The following IL17RD variants were observed in gnomAD, a reference collection of about 807,000 sequenced individuals.
IL17RD encodes interleukin 17 receptor D, also known as interleukin-17 receptor D.
In IL17RD, 52 loss-of-function variants were observed where a neutral mutation model predicts 80.5. The ratio of observed to expected loss-of-function variants is 0.65; its 90% confidence interval spans 0.52 to 0.81. The LOEUF is 0.81. Among genes scored for constraint, IL17RD ranks in the 40% least tolerant of loss-of-function variants. IL17RD has a pLI of 0.00. For missense variants in IL17RD, 1,024 were observed against 955.1 expected, an observed-to-expected ratio of 1.07 and a Z score of -0.95; for synonymous variants, 416 against 391.8, an observed-to-expected ratio of 1.06 and a Z score of -0.73.
In IL17RD at chr3:57,129,035, G is replaced by A. The variant is rs376956495; in HGVS notation, c.127-8722C>T. Reference sequence around the variant, plus strand: ...AAACATGCCTATGGACAGAGAGCCAGACCTTTCCCTCCGCTTCGCACACCA... The same window carrying A: ...AAACATGCCTATGGACAGAGAGCCAAACCTTTCCCTCCGCTTCGCACACCA... On this transcript the variant is annotated intron_variant, in intron 1 of 12. Coordinates refer to ENST00000296318, the MANE Select transcript of IL17RD (RefSeq NM_017563.5). Among the ~76,000 whole-genome samples the A allele has an allele frequency of 2.4e-4, 36 of 152,304 alleles. 2 individuals are homozygous for A. In the South Asian group the frequency reaches 7.3e-3, roughly 31 times the overall value.
intron 1 of IL17RD, among the ~76,000 whole-genome samples, chr3:57,155,109 C>T (rs2060258753): frequency 6.6e-6 from 1 of 152,222 alleles, no homozygotes; most frequent in South Asian, 2.1e-4. Flanking sequence ...TGATTATGGA[C>T]AGACCTTCAA....
Position 57,114,804 on chromosome 3 carries a change from G to A in IL17RD, c.198C>T (p.Tyr66=). 1 of 1,605,532 alleles carries A rather than the reference G, an allele frequency of 6.2e-7. No homozygotes were observed. Among genetic ancestry groups the A allele is most frequent in the Non-Finnish European group, 8.5e-7 (1 of 1,176,648 alleles). The stretch of plus-strand genomic sequence containing the variant: ...TCACATGCTTCCCCACTGGATTCAA[G>A]TAGGTGGTACAATCTAGAGAGTAGG... ...ITFKYDNCTT[Y]LNPVGKHVIA... The change falls in exon 3 of 13, where the codon TAC becomes TAT. Residue 66 remains tyrosine, a synonymous_variant. Transcript: ENST00000296318.
intron 8 of IL17RD, among the ~76,000 whole-genome samples, chr3:57,103,644 T>C (rs1160161987): frequency 6.6e-6 from 1 of 152,226 alleles, no homozygotes; most frequent in Admixed American, 6.5e-5. Flanking sequence ...ATTTTCCTTA[T>C]ACTCTTATTA....
intron 1 of IL17RD, among the ~76,000 whole-genome samples, chr3:57,127,371 T>TATAAATATATATAAATATATATAAAA (rs1553625647): frequency 1.1e-5 from 1 of 91,750 alleles, no homozygotes; most frequent in Non-Finnish European, 1.9e-5. Context: ...TATAAATATA[T>TATAAATATATATAAATATATATAAAA]ATATATAAAT....
In IL17RD at chr3:57,098,332, A is replaced by C. The variant is rs750720050; in HGVS notation, c.1371T>G (p.Ile457Met). 434 of 1,613,874 alleles carry C rather than the reference A, an allele frequency of 2.7e-4. No individual in the cohort carries two copies. Among genetic ancestry groups the C allele is most frequent in the Non-Finnish European group, 3.6e-4 (421 of 1,179,886 alleles). Residue 457 changes from isoleucine (I) to methionine (M), a missense_variant, in exon 12 of 13, where the codon ATT becomes ATG. Coordinates refer to ENST00000296318, the MANE Select transcript of IL17RD (RefSeq NM_017563.5). Reference sequence around the variant, plus strand: ...GCTTGGCCTGGCGGAGCTTTTCGGCAATGGCTGACACCGCCACCAGGAAGA... The same window carrying C: ...GCTTGGCCTGGCGGAGCTTTTCGGCCATGGCTGACACCGCCACCAGGAAGA... ...GELFLVAVSA[I>M]AEKLRQAKQS...
At chr3:57,135,725 A>G (rs1707710911) in intron 1 of IL17RD, among the ~76,000 whole-genome samples, 1 of 152,242 alleles carries the variant, frequency 6.6e-6, no homozygotes, top group South Asian at 2.1e-4. Flanking sequence ...AGAGCCTAAT[A>G]AAGTGAGTTA....
In IL17RD at chr3:57,164,234, G is replaced by T. The variant is rs1579329266; in HGVS notation, c.126+927C>A. Among the ~76,000 whole-genome samples, 3 of 152,306 alleles carry T rather than the reference G, an allele frequency of 2.0e-5. No homozygotes were observed. In the East Asian group the frequency reaches 5.8e-4, roughly 29 times the overall value. On this transcript the variant is annotated intron_variant, in intron 1 of 12. Transcript: ENST00000296318. ...TTAAGGCCGTGAGTGCCCTGACGCC[G>T]GGCCCACCCGGGCCTCGGTGGGAGA...
chr3:57,138,184 T>C (rs1046376729), intron 1 of IL17RD, among the ~76,000 whole-genome samples: 2 of 152,210 alleles, frequency 1.3e-5, no homozygotes, highest in Admixed American at 6.5e-5. Flanking sequence ...ATGGTGGTGA[T>C]GGTTGCAAAA....
chr3:57,103,314 G>C (rs1402958126), intron 8 of IL17RD, among the ~76,000 whole-genome samples, 169 bp from the exon 9 acceptor site: 4 of 152,134 alleles, frequency 2.6e-5, no homozygotes, highest in Admixed American at 2.0e-4. Context: ...CTGAGACTAG[G>C]CATCATGTGT....
At chr3:57,127,232 A>T (rs1465981538) in intron 1 of IL17RD, among the ~76,000 whole-genome samples, 4 of 105,494 alleles carry the variant, frequency 3.8e-5, no homozygotes, top group Admixed American at 3.6e-4. Context: ...ATATATATAA[A>T]AATATATAAA....
intron 1 of IL17RD, among the ~76,000 whole-genome samples, chr3:57,154,283 T>TATATATACACACACACACACACACAC (rs904157398): frequency 6.1e-4 from 69 of 112,892 alleles, no homozygotes; most frequent in African/African-American, 2.1e-3. Flanking sequence ...TATATATATA[T>TATATATACACACACACACACACACAC]ACACACACAC....
At chr3:57,119,307 G>A (rs1234231028) in intron 2 of IL17RD, among the ~76,000 whole-genome samples, 2 of 150,760 alleles carry the variant, frequency 1.3e-5, no homozygotes, top group South Asian at 2.1e-4. Flanking sequence ...AGCCAAGATC[G>A]TGCCACTGCA....
chr3:57,165,402 G>A (rs1318744784), upstream of IL17RD: 3 of 869,910 alleles, frequency 3.4e-6, no homozygotes, highest in Non-Finnish European at 4.4e-6. Context: ...ACCGCACTGG[G>A]CATGCGTTGC....
chr3:57,109,486 A>T lies in IL17RD; in HGVS notation c.550+51T>A, dbSNP rs548155861. On this transcript the variant is annotated intron_variant, in intron 5 of 12. Transcript: ENST00000296318. ...CACATTTCTGTAGAAAAATCATTAAAAGCGGAGAAAAGTCTTCTCATGGGA... is the reference window on the plus strand; with the variant it reads ...CACATTTCTGTAGAAAAATCATTAATAGCGGAGAAAAGTCTTCTCATGGGA... 72 of 1,584,110 alleles carry T rather than the reference A, an allele frequency of 4.5e-5. No homozygotes were observed. The East Asian group carries it at 1.6e-3, about 34-fold the overall frequency.
intron 1 of IL17RD, among the ~76,000 whole-genome samples, chr3:57,129,597 T>C (rs1051421008): frequency 2.0e-5 from 3 of 152,160 alleles, no homozygotes; most frequent in African/African-American, 4.8e-5. Flanking sequence ...GACGTTGCCA[T>C]GGGGACCCAG....
intron 1 of IL17RD, among the ~76,000 whole-genome samples, chr3:57,158,270 A>G (rs559606406): frequency 6.6e-6 from 1 of 152,364 alleles, no homozygotes; most frequent in African/African-American, 2.4e-5. Flanking sequence ...AGAAAGGTAC[A>G]ATAAAATTAC....
At chr3:57,144,134 G>A (rs1403169376) in intron 1 of IL17RD, among the ~76,000 whole-genome samples, 1 of 152,156 alleles carries the variant, frequency 6.6e-6, no homozygotes, top group African/African-American at 2.4e-5. Flanking sequence ...TTTCAACCAC[G>A]GTCCCTTCCC....
At chr3:57,133,244 A>G (rs1238810764) in intron 1 of IL17RD, among the ~76,000 whole-genome samples, 1 of 152,266 alleles carries the variant, frequency 6.6e-6, no homozygotes, top group Non-Finnish European at 1.5e-5. Context: ...ATAGCAGGCA[A>G]TCGGAAGGAT....
chr3:57,099,880 A>G (rs921169639), intron 11 of IL17RD, among the ~76,000 whole-genome samples: 4 of 152,214 alleles, frequency 2.6e-5, no homozygotes, highest in Non-Finnish European at 5.9e-5. Flanking sequence ...CTAATAGTGT[A>G]AAAAATTATT....
Sources: allele counts gnomAD v4.1 joint callset (sites outside exome capture counted in the v4.1 genomes callset), GRCh38; gene constraint gnomAD v4.1.1; transcripts MANE v1.5; gene names NCBI Gene and HGNC (gene_info 2026-07-23, HGNC 2026-07-21).